The following EPB41L4A variants were observed in gnomAD, a reference collection of about 807,000 sequenced individuals.
The protein encoded by EPB41L4A is band 4.1-like protein 4A.
Under a neutral mutation model 108.6 loss-of-function variants are expected in EPB41L4A, and 100 were observed. The observed-to-expected ratio is 0.92, with a 90% CI of 0.78 to 1.09. EPB41L4A has a LOEUF of 1.09. Among genes scored for constraint, EPB41L4A ranks in the 50% least tolerant of loss-of-function variants. EPB41L4A has a pLI of 0.00. For synonymous variants in EPB41L4A, 319 were observed against 289.0 expected (o/e 1.10, Z -1.05); for missense variants, 1,030 against 842.7 (o/e 1.22, Z -2.75).
At chr5:112,379,258 G>A (rs1048707985) in intron 1 of EPB41L4A, among the ~76,000 whole-genome samples, 6 of 152,046 alleles carry the variant, frequency 3.9e-5, no homozygotes, top group African/African-American at 1.2e-4. Context: ...TTCCTTTTAT[G>A]TACTAAACCT....
chr5:112,331,298 C>A (rs1009519091), intron 1 of EPB41L4A, among the ~76,000 whole-genome samples: 1 of 152,222 alleles, frequency 6.6e-6, no homozygotes, highest in African/African-American at 2.4e-5. Flanking sequence ...TACCTTCCAA[C>A]CCGTCCTCTC....
chr5:112,156,251 G>T (rs962854399), intron 12 of EPB41L4A, among the ~76,000 whole-genome samples: 2 of 152,128 alleles, frequency 1.3e-5, no homozygotes, highest in African/African-American at 2.4e-5. Flanking sequence ...AATAAGAAAG[G>T]CATAAAAATG....
chr5:112,215,483 T>C (rs1387603004), intron 12 of EPB41L4A, among the ~76,000 whole-genome samples: 1 of 151,950 alleles, frequency 6.6e-6, no homozygotes, highest in Non-Finnish European at 1.5e-5. Context: ...CAAAGCTTGC[T>C]CGGGCGCGGT....
chr5:112,170,394 G>T, intron 19 of EPB41L4A, 25 bp from the exon 20 acceptor site: 1 of 1,436,600 alleles, frequency 7.0e-7, no homozygotes, highest in East Asian at 2.3e-5. Flanking sequence ...GCAAGAAAAT[G>T]ATAGTTGTGG....
chr5:112,255,572 T>G (rs781651040), intron 9 of EPB41L4A, among the ~76,000 whole-genome samples: 13 of 152,178 alleles, frequency 8.5e-5, no homozygotes, highest in Non-Finnish European at 1.8e-4. Context: ...ACATGCTTAA[T>G]ACATGACTTT....
intron 12 of EPB41L4A, among the ~76,000 whole-genome samples, chr5:112,211,111 T>A (rs1561478909): frequency 1.3e-5 from 2 of 151,944 alleles, no homozygotes; most frequent in East Asian, 3.9e-4. Flanking sequence ...TTAAAAGATT[T>A]AAAAAAAATG....
At chr5:112,346,643 G>A (rs906093978) in intron 1 of EPB41L4A, among the ~76,000 whole-genome samples, 4 of 152,150 alleles carry the variant, frequency 2.6e-5, no homozygotes, top group African/African-American at 7.2e-5. Context: ...CACCAAAAAC[G>A]TTAGCCCCAG....
At position 112,213,190 on chromosome 5, in the gene EPB41L4A, T is replaced by C. The variant is rs562218594; in HGVS notation, c.1088-3208A>G. On this transcript the variant is annotated intron_variant, in intron 12 of 22. Coordinates refer to ENST00000261486, the MANE Select transcript of EPB41L4A (RefSeq NM_022140.5). The stretch of plus-strand genomic sequence containing the variant: ...AGCCAAACTTTTTCAAAATAAATTG[T>C]TCTACTGTCAGGACTAATTTACTAA... Among the ~76,000 whole-genome samples, 4 of 152,288 alleles carry C rather than the reference T, an allele frequency of 2.6e-5. No homozygotes were observed. The South Asian group carries it at 8.3e-4, about 32-fold the overall frequency.
intron 9 of EPB41L4A, chr5:112,250,481 T>A (rs1169415225): frequency 6.6e-6 from 1 of 152,206 alleles, no homozygotes; most frequent in Non-Finnish European, 1.5e-5. Context: ...CAGATTGATT[T>A]AATTTTTGTT....
intron 1 of EPB41L4A, among the ~76,000 whole-genome samples, chr5:112,315,819 C>CA (rs1464752258): frequency 6.6e-6 from 1 of 151,398 alleles, no homozygotes; most frequent in African/African-American, 2.4e-5. Context: ...TTTCCATCAT[C>CA]AAAAAAATAA....
At chr5:112,359,264 A>G (rs1758557844) in intron 1 of EPB41L4A, among the ~76,000 whole-genome samples, 1 of 152,174 alleles carries the variant, frequency 6.6e-6, no homozygotes, top group African/African-American at 2.4e-5. Flanking sequence ...TTCTTTCCCA[A>G]TTTCTCTAAT....
At chr5:112,291,766 C>A (rs757849870) in intron 2 of EPB41L4A, among the ~76,000 whole-genome samples, 5 of 152,252 alleles carry the variant, frequency 3.3e-5, no homozygotes, top group Non-Finnish European at 1.5e-5. Context: ...CATGCAGGTT[C>A]CTGGAGGGTG....
At chr5:112,336,628 C>T (rs960383620) in intron 1 of EPB41L4A, among the ~76,000 whole-genome samples, 1 of 152,032 alleles carries the variant, frequency 6.6e-6, no homozygotes, top group African/African-American at 2.4e-5. Flanking sequence ...CTGAGTGGAT[C>T]CAAAATGCAA....
intron 1 of EPB41L4A, among the ~76,000 whole-genome samples, chr5:112,361,244 T>G (rs552125759): frequency 6.6e-6 from 1 of 152,340 alleles, no homozygotes; most frequent in East Asian, 1.9e-4. Flanking sequence ...CTCTGAAACA[T>G]GTGCTGTGTC....
At position 112,170,309 on chromosome 5, in the gene EPB41L4A, A is replaced by AAT; in HGVS notation, c.1730_1731insAT (p.Lys578LeufsTer3). ...TTCTGAAAGGCACTCACTCTATTTT[A>AAT]GTGTATGGAATCTCTTTTAATTGTT... On this transcript the variant is annotated frameshift_variant, in exon 20 of 23. Coordinates refer to ENST00000261486, the MANE Select transcript of EPB41L4A (RefSeq NM_022140.5). LOFTEE classifies it high-confidence loss of function. The AAT allele has an allele frequency of 1.2e-6, 2 of 1,613,384 alleles. No individual in the cohort carries two copies. Among genetic ancestry groups the AAT allele is most frequent in the Non-Finnish European group, 1.7e-6 (2 of 1,179,724 alleles).
intron 1 of EPB41L4A, among the ~76,000 whole-genome samples, chr5:112,390,947 C>T (rs1187006988): frequency 6.6e-6 from 1 of 152,182 alleles, no homozygotes; most frequent in South Asian, 2.1e-4. Context: ...TAGTGGACCT[C>T]CAGCAAACTC....
At chr5:112,212,311 G>C (rs1762786036) in intron 12 of EPB41L4A, among the ~76,000 whole-genome samples, 1 of 144,558 alleles carries the variant, frequency 6.9e-6, no homozygotes, top group Admixed American at 7.0e-5. Flanking sequence ...TTTTTCTCCT[G>C]AGACAGAGTC....
chr5:112,418,678 AAG>A (rs1263671694), intron 1 of EPB41L4A, among the ~76,000 whole-genome samples: 2 of 152,048 alleles, frequency 1.3e-5, no homozygotes, highest in African/African-American at 4.8e-5. Context: ...CGGTTTGGGG[AAG>A]AGTTTTGGGG....
At position 112,177,536 on chromosome 5, in the gene EPB41L4A, G is replaced by A. The variant is rs193126081; in HGVS notation, c.1622+6480C>T. Among the ~76,000 whole-genome samples, 3 of 152,198 alleles carry A rather than the reference G, an allele frequency of 2.0e-5. No individual in the cohort carries two copies. The East Asian group carries it at 5.8e-4, about 29-fold the overall frequency. Reference sequence around the variant, plus strand: ...GAGATTAAGCCATGGACATATATCAGGGGTCATTATTCTTCCCACCACAGT... The same window carrying A: ...GAGATTAAGCCATGGACATATATCAAGGGTCATTATTCTTCCCACCACAGT... On this transcript the variant is annotated intron_variant, in intron 18 of 22. Transcript: ENST00000261486.
Sources: gnomAD v4.1 joint callset for allele counts (sites outside exome capture counted in the v4.1 genomes callset) on GRCh38, gnomAD v4.1.1 for gene constraint, MANE v1.5 for transcripts, NCBI Gene and HGNC (gene_info 2026-07-23, HGNC 2026-07-21) for gene names.